The following MINDY3 variants were observed in gnomAD, a reference collection of about 807,000 sequenced individuals.
The protein encoded by MINDY3 is MINDY lysine 48 deubiquitinase 3.
MINDY3 carries 38 observed loss-of-function variants against 69.2 expected under a neutral mutation model. That is an observed-to-expected ratio of 0.55 (90% CI 0.42 to 0.72). MINDY3 has a LOEUF of 0.72. Among genes scored for constraint, MINDY3 ranks in the 30% least tolerant of loss-of-function variants. The pLI is 0.00. For missense variants in MINDY3, 522 were observed against 519.0 expected (o/e 1.01, Z -0.06); for synonymous variants, 192 against 180.1 (o/e 1.07, Z -0.53).
At chr10:15,820,638 T>C (rs2131997812) in intron 9 of MINDY3, among the ~76,000 whole-genome samples, 2 of 152,294 alleles carry the variant, frequency 1.3e-5, no homozygotes, top group South Asian at 4.1e-4. Context: ...TGATCACTAC[T>C]AAAGGAGTAA....
chr10:15,831,246 C>T (rs115695555), intron 8 of MINDY3, among the ~76,000 whole-genome samples: 2,352 of 152,172 alleles, frequency 0.015, 48 homozygotes, highest in African/African-American at 0.051. Context: ...ATTTAGAGTA[C>T]GCCCAACCAA....
In MINDY3 at chr10:15,784,846, CA is replaced by C. The variant is rs571887292; in HGVS notation, c.1116+1714del. On this transcript the variant is annotated intron_variant, in intron 13 of 14. Transcript: ENST00000277632. ...TGAGTCACTATGCATTTTGTGGCTA[CA>C]GGGGAAAGGGGACATCAGTGGTATG... Among the ~76,000 whole-genome samples the C allele has an allele frequency of 2.1e-3, 325 of 152,114 alleles. 2 individuals are homozygous for C. Among genetic ancestry groups the C allele is most frequent in the African/African-American group, 6.5e-3 (270 of 41,518 alleles).
intron 9 of MINDY3, among the ~76,000 whole-genome samples, chr10:15,819,598 C>A (rs1200972846): frequency 6.6e-6 from 1 of 152,164 alleles, no homozygotes; most frequent in African/African-American, 2.4e-5. Context: ...CTGACCCCAT[C>A]CTACTTCAGG....
intron 10 of MINDY3, among the ~76,000 whole-genome samples, chr10:15,808,417 G>A (rs972271136): frequency 6.6e-6 from 1 of 152,108 alleles, no homozygotes; most frequent in African/African-American, 2.4e-5. Flanking sequence ...CCTTAACACC[G>A]TTTTATTACA....
At chr10:15,836,032 T>A (rs1165123707) in intron 6 of MINDY3, among the ~76,000 whole-genome samples, 2 of 152,102 alleles carry the variant, frequency 1.3e-5, no homozygotes, top group Non-Finnish European at 2.9e-5. Context: ...GTTCCAATTC[T>A]GAGCAGATGA....
At chr10:15,845,565 T>C (rs1833772769) in intron 2 of MINDY3, among the ~76,000 whole-genome samples, 1 of 152,058 alleles carries the variant, frequency 6.6e-6, no homozygotes, top group African/African-American at 2.4e-5. Context: ...AGTGGCATGA[T>C]CATAGCTCAC....
intron 1 of MINDY3, among the ~76,000 whole-genome samples, chr10:15,848,567 G>A (rs1297509705): frequency 6.8e-6 from 1 of 147,306 alleles, no homozygotes; most frequent in African/African-American, 2.5e-5. Context: ...CTAGCAGGCG[G>A]AGCTTGCACT....
At chr10:15,846,695 T>C (rs2132111466) in intron 2 of MINDY3, among the ~76,000 whole-genome samples, 1 of 152,110 alleles carries the variant, frequency 6.6e-6, no homozygotes, top group African/African-American at 2.4e-5. Context: ...GAGAAACAAA[T>C]TTACTTTGTA....
At chr10:15,795,593 T>C (rs886158747) in intron 11 of MINDY3, among the ~76,000 whole-genome samples, 4 of 152,012 alleles carry the variant, frequency 2.6e-5, no homozygotes, top group Non-Finnish European at 5.9e-5. Flanking sequence ...ACAACCTCAG[T>C]GACAATGACT....
intron 10 of MINDY3, among the ~76,000 whole-genome samples, chr10:15,805,649 C>G (rs1251968717): frequency 6.6e-6 from 1 of 152,076 alleles, no homozygotes; most frequent in Non-Finnish European, 1.5e-5. Context: ...ACTTCCTTGC[C>G]TCATTGACAT....
chr10:15,810,969 G>A (rs1239845588), intron 10 of MINDY3, among the ~76,000 whole-genome samples: 1 of 152,080 alleles, frequency 6.6e-6, no homozygotes, highest in African/African-American at 2.4e-5. Flanking sequence ...TTAGGGAAAT[G>A]CAAATCAAAA....
chr10:15,792,949 A>C (rs1247446255), intron 11 of MINDY3, among the ~76,000 whole-genome samples: 1 of 152,092 alleles, frequency 6.6e-6, no homozygotes, highest in Non-Finnish European at 1.5e-5. Flanking sequence ...TAATCATATA[A>C]AGTTACTCTT....
chr10:15,838,110 A>T, intron 5 of MINDY3, 118 bp downstream of exon 5: 1 of 1,301,954 alleles, frequency 7.7e-7, no homozygotes. Flanking sequence ...TGGATTTAAA[A>T]TTTATGTTTA....
chr10:15,847,416 T>C (rs1833929644), intron 2 of MINDY3, among the ~76,000 whole-genome samples: 1 of 152,216 alleles, frequency 6.6e-6, no homozygotes, highest in Admixed American at 6.5e-5. Context: ...TAAAATAGTA[T>C]AAGCTGCCAA....
intron 4 of MINDY3, among the ~76,000 whole-genome samples, chr10:15,839,899 T>C (rs1263236676): frequency 2.0e-5 from 3 of 151,632 alleles, no homozygotes; most frequent in African/African-American, 7.2e-5. Context: ...GGTAATTCAA[T>C]ATAATATGCC....
At chr10:15,845,776 G>C (rs1423979081) in intron 2 of MINDY3, among the ~76,000 whole-genome samples, 1 of 150,098 alleles carries the variant, frequency 6.7e-6, no homozygotes, top group Non-Finnish European at 1.5e-5. Context: ...CAAAGTGCTG[G>C]GCTTACAGGT....
Position 15,798,243 on chromosome 10 carries a change from G to C in MINDY3, c.883-2071C>G, listed in dbSNP as rs1448380041. ...TTTTCTGGGTTAAATCTTTTTGGGG[G>C]AAAGGTAGTAGAAATGTAACTGAAG... On this transcript the variant is annotated intron_variant, in intron 10 of 14. Transcript: ENST00000277632. Among the ~76,000 whole-genome samples the C allele has an allele frequency of 2.6e-5, 4 of 152,100 alleles. No individual in the cohort carries two copies. The East Asian group carries it at 7.7e-4, about 29-fold the overall frequency.
chr10:15,845,270 T>G (rs72781883), intron 2 of MINDY3, among the ~76,000 whole-genome samples: 2,416 of 152,302 alleles, frequency 0.016, 26 homozygotes, highest in Non-Finnish European at 0.025. Context: ...TTATTCCTGG[T>G]GTGACAAATT....
chr10:15,810,668 T>C (rs190210688), intron 10 of MINDY3, among the ~76,000 whole-genome samples: 4 of 152,108 alleles, frequency 2.6e-5, no homozygotes, highest in African/African-American at 9.7e-5. Context: ...CAAAAAGTCA[T>C]TGAGCACCTA....
Sources: gnomAD v4.1 joint callset for allele counts (sites outside exome capture counted in the v4.1 genomes callset) on GRCh38, gnomAD v4.1.1 for gene constraint, MANE v1.5 for transcripts, NCBI Gene and HGNC (gene_info 2026-07-23, HGNC 2026-07-21) for gene names.